FAT3: variants seen among roughly 807,000 people sequenced by gnomAD.
FAT3 encodes FAT atypical cadherin 3.
In FAT3, 95 loss-of-function variants were observed where a neutral mutation model predicts 310.2. The observed-to-expected ratio is 0.31, with a 90% CI of 0.26 to 0.36. FAT3 has a LOEUF of 0.36. Ranked by LOEUF, FAT3 falls within the 10% of genes least tolerant of loss-of-function variation. The probability of loss-of-function intolerance (pLI) is 1.00; values close to 1 mark genes in which losing one functional copy is unlikely to be tolerated. For missense variants in FAT3, 5,408 were observed against 5,715.6 expected, an observed-to-expected ratio of 0.95 and a Z score of 1.74; for synonymous variants, 2,314 against 2,192.9, an observed-to-expected ratio of 1.06 and a Z score of -1.54.
intron 3 of FAT3, among the ~76,000 whole-genome samples, chr11:92,631,024 A>G (rs1941539451): frequency 6.6e-6 from 1 of 152,210 alleles, no homozygotes; most frequent in South Asian, 2.1e-4. Context: ...AATTGCCAGC[A>G]ACCATATTGG....
At chr11:92,593,136 T>G (rs1235522409) in intron 3 of FAT3, among the ~76,000 whole-genome samples, 2 of 152,210 alleles carry the variant, frequency 1.3e-5, no homozygotes, top group Non-Finnish European at 2.9e-5. Flanking sequence ...TGTCGGAATT[T>G]CCTTCCTTTT....
chr11:92,435,797 C>T (rs1377285988), intron 2 of FAT3, among the ~76,000 whole-genome samples: 2 of 151,960 alleles, frequency 1.3e-5, no homozygotes, highest in Admixed American at 6.6e-5. Context: ...GAACTCCCAA[C>T]CTCAGGTGAT....
chr11:92,240,119 C>A (rs1010111496), intron 1 of FAT3, among the ~76,000 whole-genome samples: 3 of 152,024 alleles, frequency 2.0e-5, no homozygotes, highest in Non-Finnish European at 4.4e-5. Context: ...GAGCAGATAT[C>A]TTTATGTCCT....
intron 2 of FAT3, among the ~76,000 whole-genome samples, chr11:92,478,948 C>CTTTCTTTTGT (rs1952131103): frequency 8.7e-6 from 1 of 114,464 alleles, no homozygotes; most frequent in Non-Finnish European, 1.7e-5. Context: ...TTCTTTCTTT[C>CTTTCTTTTGT]TTTCTTTTCT....
At position 92,562,073 on chromosome 11, in the gene FAT3, A is replaced by G. The variant is rs1955246585; in HGVS notation, c.3607+37125A>G. ...TTTCTACCTCTTTGCTGTTTTCTGGATGGTTTCACCTCCCCACAGGCAGTA... is the reference window on the plus strand; with the variant it reads ...TTTCTACCTCTTTGCTGTTTTCTGGGTGGTTTCACCTCCCCACAGGCAGTA... On this transcript the variant is annotated intron_variant, in intron 3 of 27. Coordinates refer to ENST00000525166, the MANE Select transcript of FAT3 (RefSeq NM_001367949.2). Among the ~76,000 whole-genome samples, 3 of 152,164 alleles carry G rather than the reference A, an allele frequency of 2.0e-5. No homozygotes were observed. In the South Asian group the frequency reaches 6.2e-4, roughly 32 times the overall value.
At chr11:92,308,632 T>C (rs984086373) in intron 1 of FAT3, among the ~76,000 whole-genome samples, 10 of 152,270 alleles carry the variant, frequency 6.6e-5, no homozygotes, top group Non-Finnish European at 1.5e-4. Context: ...TAGAGCCCCT[T>C]GTGAGTTAAG....
intron 4 of FAT3, among the ~76,000 whole-genome samples, chr11:92,752,111 G>A (rs1256529580): frequency 6.6e-6 from 1 of 152,196 alleles, no homozygotes; most frequent in Admixed American, 6.5e-5. Context: ...CAGACTTTGT[G>A]GGCCATACAG....
At chr11:92,591,219 G>T (rs937950949) in intron 3 of FAT3, among the ~76,000 whole-genome samples, 8 of 152,226 alleles carry the variant, frequency 5.3e-5, no homozygotes, top group African/African-American at 1.9e-4. Context: ...TGAAAATGTG[G>T]CTTTGGTGAC....
chr11:92,379,021 A>G (rs779527653), intron 2 of FAT3, among the ~76,000 whole-genome samples: 75 of 152,180 alleles, frequency 4.9e-4, no homozygotes, highest in Non-Finnish European at 8.4e-4. Context: ...TGGGTGCACA[A>G]AACGTTCAGA....
At chr11:92,538,779 T>A (rs1293557251) in intron 3 of FAT3, among the ~76,000 whole-genome samples, 1 of 152,116 alleles carries the variant, frequency 6.6e-6, no homozygotes, top group East Asian at 1.9e-4. Context: ...AGCTTTAAAA[T>A]GAAGAGATTA....
At chr11:92,628,920 A>T (rs1300200649) in intron 3 of FAT3, among the ~76,000 whole-genome samples, 1 of 152,194 alleles carries the variant, frequency 6.6e-6, no homozygotes, top group African/African-American at 2.4e-5. Context: ...TCACACACAC[A>T]CACTGCAGGA....
At chr11:92,880,234 T>C (rs1477619873) in intron 22 of FAT3, among the ~76,000 whole-genome samples, 7 of 150,146 alleles carry the variant, frequency 4.7e-5, no homozygotes, top group African/African-American at 1.7e-4. Context: ...TGGGGTTCAT[T>C]TGAGTTGACA....
intron 3 of FAT3, among the ~76,000 whole-genome samples, chr11:92,656,721 A>G (rs945354852): frequency 6.6e-5 from 10 of 152,210 alleles, no homozygotes; most frequent in African/African-American, 2.4e-4. Context: ...TGGATTTTTA[A>G]GAGTGAGTTA....
intron 3 of FAT3, among the ~76,000 whole-genome samples, chr11:92,568,934 C>A (rs1955572991): frequency 6.6e-6 from 1 of 152,128 alleles, no homozygotes; most frequent in Admixed American, 6.6e-5. Context: ...CCTCTCTCTT[C>A]CCCTCACTAG....
At chr11:92,399,497 A>C (rs1044804298) in intron 2 of FAT3, among the ~76,000 whole-genome samples, 2 of 152,216 alleles carry the variant, frequency 1.3e-5, no homozygotes, top group African/African-American at 4.8e-5. Context: ...CACTCATATG[A>C]AATATTTAAT....
In FAT3 at chr11:92,798,323, C is replaced by T. The variant is rs1406329827; in HGVS notation, c.5310C>T (p.Leu1770=). ...VDENDNAPVF[L]FSQYSGSLSE... ...AAAATGATAATGCCCCAGTTTTTCT[C>T]TTTTCTCAATACTCAGGCAGCCTAA... The change falls in exon 10 of 28, where the codon CTC becomes CTT. Residue 1770 remains leucine, a synonymous_variant. Coordinates refer to ENST00000525166, the MANE Select transcript of FAT3 (RefSeq NM_001367949.2). 2.5e-6 allele frequency: 4 copies of T among 1,613,622 alleles called. No individual in the cohort carries two copies. Among genetic ancestry groups the T allele is most frequent in the Non-Finnish European group, 2.5e-6 (3 of 1,179,812 alleles).
At chr11:92,492,168 G>T (rs1344553463) in intron 2 of FAT3, among the ~76,000 whole-genome samples, 1 of 151,972 alleles carries the variant, frequency 6.6e-6, no homozygotes, top group East Asian at 1.9e-4. Flanking sequence ...GCCCTCCTTT[G>T]TGTTTTAACA....
intron 2 of FAT3, among the ~76,000 whole-genome samples, chr11:92,374,030 G>GGGGAGAGAGA (rs149616749): frequency 2.8e-5 from 4 of 142,136 alleles, no homozygotes; most frequent in African/African-American, 1.1e-4. Flanking sequence ...ACAGAGAGAG[G>GGGGAGAGAGA]GAGAGAGAGA....
chr11:92,470,852 C>T lies in FAT3; in HGVS notation c.3293-53782C>T, dbSNP rs139511984. 1.6e-3 allele frequency among the ~76,000 whole-genome samples: 250 copies of T among 151,834 alleles called. 1 individual carries two copies. The highest frequency in any genetic ancestry group is 5.4e-3 in the African/African-American group (225 of 41,382). ...GAGTCATCCCATTATTTTTATATGA[C>T]GACTTTAAAAAAATTATTTCATATC... On this transcript the variant is annotated intron_variant, in intron 2 of 27. Transcript: ENST00000525166.
Sources: gnomAD v4.1 joint callset for allele counts (sites outside exome capture counted in the v4.1 genomes callset) on GRCh38, gnomAD v4.1.1 for gene constraint, MANE v1.5 for transcripts, NCBI Gene and HGNC (gene_info 2026-07-23, HGNC 2026-07-21) for gene names.